Variants in HBS1L observed in about 807,000 individuals in gnomAD.
HBS1L encodes the protein HBS1-like protein.
Under a neutral mutation model 88.9 loss-of-function variants are expected in HBS1L, and 55 were observed. The ratio of observed to expected loss-of-function variants is 0.62; its 90% CI spans 0.50 to 0.77. The LOEUF is 0.77. HBS1L is among the 30% of genes least tolerant of loss of function. The pLI, the probability that HBS1L is intolerant of heterozygous loss-of-function variation, is 0.00. For synonymous variants in HBS1L, 267 were observed against 288.5 expected, an observed-to-expected ratio of 0.93 and a Z score of 0.76; for missense variants, 741 against 829.3, an observed-to-expected ratio of 0.89 and a Z score of 1.31.
At chr6:134,976,202 T>C (rs1220696306) in intron 15 of HBS1L, among the ~76,000 whole-genome samples, 1 of 152,188 alleles carries the variant, frequency 6.6e-6, no homozygotes, top group East Asian at 1.9e-4. Flanking sequence ...AAAGCCACAA[T>C]GGGATACCAC....
At chr6:134,974,324 C>G (rs957449041) in intron 15 of HBS1L, among the ~76,000 whole-genome samples, 2 of 151,968 alleles carry the variant, frequency 1.3e-5, no homozygotes, top group Admixed American at 1.3e-4. Context: ...CCAAATTCTA[C>G]CAGACATTCA....
At chr6:135,052,640 G>A (rs1202914698) in intron 1 of HBS1L, among the ~76,000 whole-genome samples, 1 of 151,252 alleles carries the variant, frequency 6.6e-6, no homozygotes, top group African/African-American at 2.4e-5. Context: ...TGTCAATGCT[G>A]AAGTTGACCC....
At chr6:134,986,702 A>G (rs757351462) in intron 10 of HBS1L, 34 bp downstream of exon 10, 7 of 1,219,022 alleles carry the variant, frequency 5.7e-6, no homozygotes, top group Non-Finnish European at 5.8e-6. Context: ...TGACTTAAGG[A>G]AAGTAATAAC....
intron 4 of HBS1L, among the ~76,000 whole-genome samples, chr6:135,013,844 G>A (rs1268294311): frequency 6.6e-6 from 1 of 152,086 alleles, no homozygotes; most frequent in Non-Finnish European, 1.5e-5. Context: ...TATTTACATA[G>A]TATTTGGTAT....
intron 15 of HBS1L, among the ~76,000 whole-genome samples, chr6:134,975,624 C>A (rs1774620941): frequency 6.6e-6 from 1 of 152,164 alleles, no homozygotes; most frequent in Non-Finnish European, 1.5e-5. Flanking sequence ...ACCAACTAAT[C>A]TTTGACAAGG....
intron 2 of HBS1L, among the ~76,000 whole-genome samples, chr6:135,045,949 G>C (rs1325498004): frequency 6.6e-6 from 1 of 152,148 alleles, no homozygotes; most frequent in Non-Finnish European, 1.5e-5. Context: ...CCACTTTGTG[G>C]ACCATGATCA....
Position 134,996,904 on chromosome 6 carries a change from T to C in HBS1L, c.838A>G (p.Met280Val), listed in dbSNP as rs749890847. ...DAGKSTLMGH[M>V]LYLLGNINKR... ...TTTATATTACCCAGAAGATAAAGCA[T>C]ATGGCCCATCAGAGTACTTTTCCCA... The change falls in exon 7 of 18, where the codon ATG becomes GTG. Residue 280 changes from methionine to valine, a missense_variant. This residue lies in a region of HBS1L where 556 missense variants were observed against 598.4 expected (regional missense o/e 0.93). Transcript: ENST00000367837. 1 of 1,606,120 alleles carries C rather than the reference T, an allele frequency of 6.2e-7. No individual in the cohort carries two copies. The highest frequency in any genetic ancestry group is 1.7e-5 in the Admixed American group (1 of 57,766).
In HBS1L at chr6:134,993,889, T is replaced by A. The variant is rs1475116951; in HGVS notation, c.966-14A>T. 7.8e-7 allele frequency: 1 copy of A among 1,278,780 alleles called. No homozygotes were observed. 79.2% of individuals were successfully genotyped at this position (1,278,780 alleles called of 1,614,324 possible). Reference sequence around the variant, plus strand: ...ATGGTTACTCCCCTTAAACAAAACATAACATGGTTAGAATGTACGATATAA... The same window carrying A: ...ATGGTTACTCCCCTTAAACAAAACAAAACATGGTTAGAATGTACGATATAA... On this transcript the variant is annotated splice_polypyrimidine_tract_variant and intron_variant, in intron 7 of 17. Transcript: ENST00000367837.
At chr6:135,052,351 C>T (rs1253192921) in intron 1 of HBS1L, among the ~76,000 whole-genome samples, 1 of 152,018 alleles carries the variant, frequency 6.6e-6, no homozygotes, top group African/African-American at 2.4e-5. Flanking sequence ...AATTCCAGTA[C>T]TTTGGGAAGC....
chr6:135,014,004 C>T (rs756565223), intron 4 of HBS1L, among the ~76,000 whole-genome samples: 1 of 152,038 alleles, frequency 6.6e-6, no homozygotes, highest in Non-Finnish European at 1.5e-5. Context: ...TCAGCAGATG[C>T]TTGATGGAGG....
At chr6:134,966,064 T>C (rs1024308076) in intron 17 of HBS1L, among the ~76,000 whole-genome samples, 9 of 152,134 alleles carry the variant, frequency 5.9e-5, no homozygotes, top group African/African-American at 2.2e-4. Flanking sequence ...TCTCCAGCAA[T>C]TAGAATTTAA....
intron 5 of HBS1L, 77 bp downstream of exon 5, chr6:135,002,657 T>C: frequency 2.5e-6 from 2 of 799,126 alleles, no homozygotes; most frequent in Non-Finnish European, 4.4e-6. Flanking sequence ...TGAAACAGTC[T>C]CTTTCTTACA....
intron 8 of HBS1L, 118 bp downstream of exon 8, chr6:134,993,640 T>C (rs1272538123): frequency 8.9e-6 from 4 of 449,916 alleles, no homozygotes; most frequent in Non-Finnish European, 1.2e-5. Flanking sequence ...TTTATAAAGG[T>C]TAAAATTTTT....
chr6:135,053,141 C>T (rs935154777), intron 1 of HBS1L, among the ~76,000 whole-genome samples: 1 of 152,094 alleles, frequency 6.6e-6, no homozygotes, highest in African/African-American at 2.4e-5. Context: ...CAAGGTGCTC[C>T]CTGAGGCCAA....
At chr6:135,021,347 T>C (rs1776065881) in intron 4 of HBS1L, among the ~76,000 whole-genome samples, 1 of 152,054 alleles carries the variant, frequency 6.6e-6, no homozygotes, top group South Asian at 2.1e-4. Context: ...TTTAAGCTGG[T>C]ACTTACAAAG....
chr6:135,014,180 CCTT>C (rs144506765), intron 4 of HBS1L, among the ~76,000 whole-genome samples: 2,106 of 152,290 alleles, frequency 0.014, 67 homozygotes, highest in African/African-American at 0.048. Context: ...ACAGGAAATA[CCTT>C]CCAGGAAACT....
chr6:135,049,716 C>T (rs1417741285), intron 2 of HBS1L, among the ~76,000 whole-genome samples: 2 of 152,256 alleles, frequency 1.3e-5, no homozygotes, highest in African/African-American at 4.8e-5. Context: ...GGATTACAGG[C>T]ACTCGCCACC....
At chr6:135,034,462 G>A (rs1232445717) in intron 4 of HBS1L, among the ~76,000 whole-genome samples, 1 of 152,164 alleles carries the variant, frequency 6.6e-6, no homozygotes, top group African/African-American at 2.4e-5. Context: ...TGGCCAACGT[G>A]GTGAAACCCC....
chr6:134,976,958 G>C (rs982313982), intron 15 of HBS1L, among the ~76,000 whole-genome samples: 6 of 151,990 alleles, frequency 3.9e-5, no homozygotes, highest in African/African-American at 1.4e-4. Context: ...GTACCCAAAA[G>C]CTACTGAAAT....
Sources: allele counts gnomAD v4.1 joint callset (sites outside exome capture counted in the v4.1 genomes callset), GRCh38; gene constraint gnomAD v4.1.1; regional missense constraint gnomAD v4.1.1; transcripts MANE v1.5; gene names NCBI Gene and HGNC (gene_info 2026-07-23, HGNC 2026-07-21).